Variants in GNAI3 observed in about 807,000 individuals in gnomAD.
GNAI3 encodes the protein guanine nucleotide-binding protein G(i) subunit alpha-3.
GNAI3 carries 12 observed loss-of-function variants against 41.8 expected under a neutral mutation model. The observed-to-expected ratio is 0.29, with a 90% CI of 0.18 to 0.47. The LOEUF (loss-of-function observed/expected upper bound fraction) is 0.47. Among genes scored for constraint, GNAI3 ranks in the 20% least tolerant of loss-of-function variants. The probability of loss-of-function intolerance (pLI) is 1.00; values close to 1 mark genes in which losing one functional copy is unlikely to be tolerated. For missense variants in GNAI3, 360 were observed against 429.6 expected (o/e 0.84, Z 1.43); for synonymous variants, 132 against 146.5 (o/e 0.90, Z 0.71).
chr1:109,587,938 G>A (rs1195197141), intron 7 of GNAI3, among the ~76,000 whole-genome samples: 1 of 152,166 alleles, frequency 6.6e-6, no homozygotes, highest in Non-Finnish European at 1.5e-5. Flanking sequence ...GGAAATAATT[G>A]TCAGGAACCC....
rs777280937 is a variant in GNAI3, at chr1:109,586,350, G to A, written c.720+5G>A. 6.2e-7 allele frequency: 1 copy of A among 1,609,014 alleles called. No homozygotes were observed. Among genetic ancestry groups the A allele is most frequent in the Non-Finnish European group, 8.5e-7 (1 of 1,177,832 alleles). On this transcript the variant is annotated splice_donor_5th_base_variant and intron_variant, in intron 6 of 8. Transcript: ENST00000369851. ...CTGGCTGAGGACGAGGAGATGGTAT[G>A]TTGGAGCTTCTGGTAAAAAGCCTGT...
intron 1 of GNAI3, among the ~76,000 whole-genome samples, chr1:109,555,979 T>C (rs12059335): frequency 0.096 from 9,737 of 101,930 alleles, 437 homozygotes; most frequent in Admixed American, 0.17. Context: ...TGTGTGTGTG[T>C]GTGTGTGTGT....
Position 109,598,765 on chromosome 1 carries a change from C to A in GNAI3, c.*6443C>A. On this transcript the variant is annotated 3_prime_UTR_variant, in exon 9 of 9. Coordinates refer to ENST00000369851, the MANE Select transcript of GNAI3 (RefSeq NM_006496.4). The stretch of plus-strand genomic sequence containing the variant: ...AAAAAGACAGAAAAGTTCCCTTCTG[C>A]AGTCTCCAGTGTCTTCTGACCTCAC... 1 of 395,264 alleles carries A rather than the reference C, an allele frequency of 2.5e-6. No individual in the cohort carries two copies. The highest frequency in any genetic ancestry group is 5.6e-6 in the Non-Finnish European group (1 of 180,020). 24.5% of individuals were successfully genotyped at this position (395,264 alleles called of 1,614,324 possible).
Position 109,574,795 on chromosome 1 carries a change from C to T in GNAI3, c.303+758C>T, listed in dbSNP as rs543708850. ...TTCCTACATCTAAGGGACTCACTGG[C>T]TGTGTTCAGAGTGTCATACTTATGT... On this transcript the variant is annotated intron_variant, in intron 3 of 8. Coordinates refer to ENST00000369851, the MANE Select transcript of GNAI3 (RefSeq NM_006496.4). Among the ~76,000 whole-genome samples the T allele has an allele frequency of 5.3e-5, 8 of 152,238 alleles. No homozygotes were observed. In the East Asian group the frequency reaches 1.5e-3, roughly 29 times the overall value.
intron 7 of GNAI3, among the ~76,000 whole-genome samples, chr1:109,588,106 C>T (rs556068996): frequency 3.3e-5 from 5 of 152,076 alleles, no homozygotes; most frequent in East Asian, 1.9e-4. Flanking sequence ...CTAGGCTGGG[C>T]GCGGTGGCTC....
At chr1:109,579,089 C>T (rs899804777) in intron 3 of GNAI3, 115 bp from the exon 4 acceptor site, 16 of 805,262 alleles carry the variant, frequency 2.0e-5, no homozygotes, top group Non-Finnish European at 2.9e-5. Flanking sequence ...GAAAAGGTCT[C>T]TGTAACAACA....
intron 1 of GNAI3, among the ~76,000 whole-genome samples, chr1:109,570,014 T>A (rs572950730): frequency 6.6e-6 from 1 of 152,330 alleles, no homozygotes; most frequent in Non-Finnish European, 1.5e-5. Flanking sequence ...TTACTATGGA[T>A]AATCTGGGAA....
At chr1:109,586,431 T>G in intron 6 of GNAI3, 86 bp downstream of exon 6, 1 of 1,337,246 alleles carries the variant, frequency 7.5e-7, no homozygotes, top group Non-Finnish European at 1.0e-6. Flanking sequence ...TGCATCCATT[T>G]CCTCATTCAA....
Position 109,557,869 on chromosome 1 carries a change from T to C in GNAI3, c.118+9031T>C, listed in dbSNP as rs187977055. On this transcript the variant is annotated intron_variant, in intron 1 of 8. Coordinates refer to ENST00000369851, the MANE Select transcript of GNAI3 (RefSeq NM_006496.4). ...AGTTGATGGGGTATCATGAGTTTTA[T>C]AAGGTGACCCTTTCAAGGACTGGAG... 6.2e-4 allele frequency among the ~76,000 whole-genome samples: 94 copies of C among 152,292 alleles called. 1 individual carries two copies. The highest frequency in any genetic ancestry group is 2.2e-3 in the African/African-American group (93 of 41,570).
At chr1:109,556,073 G>C (rs1648144109) in intron 1 of GNAI3, among the ~76,000 whole-genome samples, 1 of 144,760 alleles carries the variant, frequency 6.9e-6, no homozygotes, top group African/African-American at 2.7e-5. Flanking sequence ...GTCTTACTCT[G>C]TCGCCCAGGC....
At position 109,596,924 on chromosome 1, in the gene GNAI3, C is replaced by G. The variant is rs190597753; in HGVS notation, c.*4602C>G. 2.0e-4 allele frequency: 31 copies of G among 152,314 alleles called. No individual in the cohort carries two copies. The highest frequency in any genetic ancestry group is 7.2e-4 in the African/African-American group (30 of 41,556). The allele number at this position is 152,314 out of a possible 1,614,324, so 9.4% of individuals were successfully genotyped here. ...GGGGACAACTGAGTAGGACCTAATA[C>G]AGGTTGAATAGCCCTTATCCAAATC... is the stretch of plus-strand genomic sequence containing the variant. On this transcript the variant is annotated 3_prime_UTR_variant, in exon 9 of 9. Transcript: ENST00000369851.
intron 4 of GNAI3, among the ~76,000 whole-genome samples, chr1:109,581,874 G>GTC (rs1648896824): frequency 1.3e-5 from 2 of 148,984 alleles, no homozygotes; most frequent in Non-Finnish European, 3.0e-5. Flanking sequence ...GGGTGACAGA[G>GTC]TAAGACTCTG....
chr1:109,582,978 T>C (rs886495837), intron 5 of GNAI3, among the ~76,000 whole-genome samples: 1 of 152,216 alleles, frequency 6.6e-6, no homozygotes, highest in African/African-American at 2.4e-5. Context: ...TTTTGCCATT[T>C]TGATTTAAAA....
chr1:109,579,304 G>C lies in GNAI3; in HGVS notation c.404G>C (p.Gly135Ala). 6.2e-7 allele frequency: 1 copy of C among 1,613,530 alleles called. No individual in the cohort carries two copies. Among genetic ancestry groups the C allele is most frequent in the Non-Finnish European group, 8.5e-7 (1 of 1,179,558 alleles). The change falls in exon 4 of 9, where the codon GGG becomes GCG. Residue 135 changes from glycine to alanine, a missense_variant. By Grantham distance (60) the Gly-to-Ala change is moderately conservative. Coordinates refer to ENST00000369851, the MANE Select transcript of GNAI3 (RefSeq NM_006496.4). ...GVIKRLWRDGGVQACFSRSRE... is the reference protein window; with the variant it reads ...GVIKRLWRDGAVQACFSRSRE... ...ATTAAACGGTTATGGCGAGATGGTGGGGTACAAGCTTGCTTCAGCAGATCC... is the reference window on the plus strand; with the variant it reads ...ATTAAACGGTTATGGCGAGATGGTGCGGTACAAGCTTGCTTCAGCAGATCC...
At chr1:109,579,448 A>C in intron 4 of GNAI3, 87 bp downstream of exon 4, 1 of 848,808 alleles carries the variant, frequency 1.2e-6, no homozygotes, top group Non-Finnish European at 1.9e-6. Context: ...GAAATGTTTA[A>C]GTAATAGACA....
chr1:109,571,536 T>G (rs1404222071), intron 1 of GNAI3, among the ~76,000 whole-genome samples: 4 of 152,220 alleles, frequency 2.6e-5, no homozygotes, highest in African/African-American at 9.6e-5. Context: ...ATTAAATTAG[T>G]TATTACAAAC....
intron 3 of GNAI3, among the ~76,000 whole-genome samples, chr1:109,574,691 G>A (rs574304966): frequency 6.6e-6 from 1 of 152,182 alleles, no homozygotes; most frequent in African/African-American, 2.4e-5. Context: ...CATTGGGGAG[G>A]GTGCCAATAT....
chr1:109,584,225 A>G (rs1648980222), intron 5 of GNAI3, among the ~76,000 whole-genome samples: 1 of 152,210 alleles, frequency 6.6e-6, no homozygotes, highest in African/African-American at 2.4e-5. Context: ...CTAATACACC[A>G]AACTAGATTT....
chr1:109,581,749 C>T (rs535255211), intron 4 of GNAI3, among the ~76,000 whole-genome samples: 77 of 151,964 alleles, frequency 5.1e-4, no homozygotes, highest in African/African-American at 1.8e-3. Flanking sequence ...ATTAGCTGGG[C>T]GTAGTGGCGG....
Sources: gnomAD v4.1 joint callset for allele counts (sites outside exome capture counted in the v4.1 genomes callset) on GRCh38, gnomAD v4.1.1 for gene constraint, MANE v1.5 for transcripts, NCBI Gene and HGNC (gene_info 2026-07-23, HGNC 2026-07-21) for gene names.